Variants in BDNF observed in about 807,000 individuals in gnomAD.
BDNF encodes neurotrophic factor BDNF precursor form.
BDNF carries 1 observed loss-of-function variant against 19.5 expected under a neutral mutation model. The ratio of observed to expected loss-of-function variants is 0.05; its 90% CI spans 0.02 to 0.24. The LOEUF (loss-of-function observed/expected upper bound fraction) is 0.24, where lower values mean the gene tolerates loss of function less well. Among genes scored for constraint, BDNF ranks in the 10% least tolerant of loss-of-function variants. The probability of loss-of-function intolerance (pLI) is 1.00; values close to 1 mark genes in which losing one functional copy is unlikely to be tolerated. For missense variants in BDNF, 195 were observed against 317.6 expected, an observed-to-expected ratio of 0.61 and a Z score of 2.93; for synonymous variants, 100 against 121.6, an observed-to-expected ratio of 0.82 and a Z score of 1.17.
chr11:27,675,926 GCAACCAGACCCA>G (rs1856039073), intron 1 of BDNF: 2 of 152,092 alleles, frequency 1.3e-5, no homozygotes. Context: ...AATAACAAAG[GCAACCAGACCCA>G]CAAGCCATAC....
intron 1 of BDNF, among the ~76,000 whole-genome samples, chr11:27,680,070 T>C (rs1220782052): frequency 6.6e-6 from 1 of 152,242 alleles, no homozygotes; most frequent in East Asian, 1.9e-4. Context: ...ATGAGTGTGA[T>C]GTAGTCTCCT....
At chr11:27,701,468 A>G (rs1859892096), upstream of BDNF, 2 of 991,678 alleles carry the variant, frequency 2.0e-6, no homozygotes, top group Admixed American at 1.2e-4. Context: ...TCTGCAGCAA[A>G]GAAGTTAAAT....
chr11:27,673,111 A>C (rs952216908), intron 1 of BDNF, among the ~76,000 whole-genome samples: 4 of 152,174 alleles, frequency 2.6e-5, no homozygotes, highest in Non-Finnish European at 5.9e-5. Context: ...CACATTTAAA[A>C]GTACAGTGTA....
intron 1 of BDNF, among the ~76,000 whole-genome samples, chr11:27,687,193 C>T (rs1453991636): frequency 3.3e-5 from 5 of 151,910 alleles, no homozygotes; most frequent in Non-Finnish European, 5.9e-5. Flanking sequence ...TCTGCTTTAT[C>T]GATTCAGTTA....
intron 1 of BDNF, among the ~76,000 whole-genome samples, chr11:27,690,043 T>C (rs1037933517): frequency 1.3e-5 from 2 of 151,010 alleles, no homozygotes; most frequent in African/African-American, 4.8e-5. Flanking sequence ...ATCAGAAAAA[T>C]AATCTGGTAT....
chr11:27,683,764 T>G (rs1157814162), intron 1 of BDNF, among the ~76,000 whole-genome samples: 1 of 152,212 alleles, frequency 6.6e-6, no homozygotes, highest in African/African-American at 2.4e-5. Context: ...CATTGGTCTA[T>G]CTATCTGTTT....
upstream of BDNF, chr11:27,700,520 GCCCCCCCC>G: frequency 1.4e-6 from 1 of 735,110 alleles, no homozygotes; most frequent in Non-Finnish European, 1.6e-6. Context: ...AAACGGCGCC[GCCCCCCCC>G]CCCCCGCCCC....
chr11:27,716,141 C>A (rs760222623), intron 1 of BDNF, among the ~76,000 whole-genome samples: 5 of 152,102 alleles, frequency 3.3e-5, no homozygotes, highest in Admixed American at 6.5e-5. Flanking sequence ...TCAAAAGACA[C>A]TTGTTAAAGC....
At chr11:27,715,658 C>T (rs1860483876) in intron 1 of BDNF, among the ~76,000 whole-genome samples, 1 of 152,072 alleles carries the variant, frequency 6.6e-6, no homozygotes, top group African/African-American at 2.4e-5. Context: ...CCCTCTGATG[C>T]CCTAGTGGAG....
chr11:27,718,962 G>A (rs372949251), intron 1 of BDNF, among the ~76,000 whole-genome samples: 1 of 152,152 alleles, frequency 6.6e-6, no homozygotes, highest in Admixed American at 6.5e-5. Flanking sequence ...AACTGCCACC[G>A]GGCTTGGCTC....
At chr11:27,664,795 G>GT (rs1854044310) in intron 1 of BDNF, among the ~76,000 whole-genome samples, 1 of 152,012 alleles carries the variant, frequency 6.6e-6, no homozygotes, top group Admixed American at 6.6e-5. Flanking sequence ...GAAAGCAACT[G>GT]TTTTGCTGTA....
intron 1 of BDNF, among the ~76,000 whole-genome samples, chr11:27,666,950 T>A (rs1225967050): frequency 6.6e-6 from 1 of 151,852 alleles, no homozygotes; most frequent in Non-Finnish European, 1.5e-5. Flanking sequence ...GAAGAGTAAC[T>A]CAAAGACACA....
chr11:27,710,940 GAA>G (rs1215250796), intron 1 of BDNF, among the ~76,000 whole-genome samples: 2 of 152,190 alleles, frequency 1.3e-5, no homozygotes, highest in Non-Finnish European at 2.9e-5. Flanking sequence ...ACATGCAGGT[GAA>G]AAGTTTCAGA....
chr11:27,692,461 C>T (rs985862147), intron 1 of BDNF, among the ~76,000 whole-genome samples: 1 of 152,158 alleles, frequency 6.6e-6, no homozygotes, highest in African/African-American at 2.4e-5. Context: ...ACTGCCTCAG[C>T]CTCCCAAGTA....
chr11:27,674,298 G>T lies in BDNF; in HGVS notation c.-21-15713C>A, dbSNP rs976335855. ...GGCTCCACACATCCAGTTGTCCTTCGGGTTATTTTTGCATCCCACTCTATA... is the reference window on the plus strand; with the variant it reads ...GGCTCCACACATCCAGTTGTCCTTCTGGTTATTTTTGCATCCCACTCTATA... On this transcript the variant is annotated intron_variant, in intron 1 of 1. Coordinates refer to ENST00000356660, the MANE Select transcript of BDNF (RefSeq NM_001709.5). 7 of 1,552,664 alleles carry T rather than the reference G, an allele frequency of 4.5e-6. No homozygotes were observed. In the African/African-American group the frequency reaches 9.6e-5, roughly 21 times the overall value.
intron 1 of BDNF, among the ~76,000 whole-genome samples, chr11:27,697,143 GCACACACACA>G (rs138533217): frequency 7.1e-6 from 1 of 141,006 alleles, no homozygotes; most frequent in African/African-American, 2.7e-5. Flanking sequence ...GCACGTGCAC[GCACACACACA>G]CACACACACA....
intron 1 of BDNF, among the ~76,000 whole-genome samples, chr11:27,662,801 C>T (rs1853676730): frequency 1.3e-5 from 2 of 152,224 alleles, no homozygotes; most frequent in African/African-American, 2.4e-5. Context: ...TACTGTGCAG[C>T]CTGGTTCCTA....
chr11:27,660,918 T>G lies in BDNF; in HGVS notation c.-21-2333A>C, dbSNP rs1010265932. ...GTTTTCACCACTACAGTAATGAGTC[T>G]TTGAATGATACCATTTTCTATACTT... On this transcript the variant is annotated intron_variant, in intron 1 of 1. Coordinates refer to ENST00000356660, the MANE Select transcript of BDNF (RefSeq NM_001709.5). Among the ~76,000 whole-genome samples the G allele has an allele frequency of 5.3e-5, 8 of 152,236 alleles. No homozygotes were observed. In the East Asian group the frequency reaches 1.5e-3, roughly 29 times the overall value.
chr11:27,712,927 C>CTTTTTTTT (rs112937534), intron 1 of BDNF, among the ~76,000 whole-genome samples: 4 of 117,280 alleles, frequency 3.4e-5, no homozygotes, highest in African/African-American at 9.5e-5. Context: ...TTCTTTCTTT[C>CTTTTTTTT]TTTTTTTTTT....
Sources: allele counts gnomAD v4.1 joint callset (sites outside exome capture counted in the v4.1 genomes callset), GRCh38; gene constraint gnomAD v4.1.1; transcripts MANE v1.5; gene names NCBI Gene and HGNC (gene_info 2026-07-23, HGNC 2026-07-21).